TMEM232: variants seen among roughly 807,000 people sequenced by gnomAD.
The protein encoded by TMEM232 is transmembrane protein 232.
Under a neutral mutation model 78.8 loss-of-function variants are expected in TMEM232, and 80 were observed. That is an observed-to-expected ratio of 1.01 (90% CI 0.85 to 1.22). The LOEUF (loss-of-function observed/expected upper bound fraction) is 1.22. Ranked by LOEUF, TMEM232 falls within the 50% of genes most tolerant of loss-of-function variation. TMEM232 has a pLI of 0.00. For missense variants in TMEM232, 881 were observed against 742.2 expected, an observed-to-expected ratio of 1.19 and a Z score of -2.17; for synonymous variants, 297 against 254.3, an observed-to-expected ratio of 1.17 and a Z score of -1.60.
chr5:110,599,244 A>G (rs1415865172), intron 10 of TMEM232, among the ~76,000 whole-genome samples: 1 of 152,284 alleles, frequency 6.6e-6, no homozygotes, highest in East Asian at 1.9e-4. Context: ...CAATGACACT[A>G]TGAAGAAACT....
At chr5:110,509,301 G>GGT (rs1767409551) in intron 12 of TMEM232, among the ~76,000 whole-genome samples, 2 of 151,806 alleles carry the variant, frequency 1.3e-5, no homozygotes, top group South Asian at 4.2e-4. Flanking sequence ...TAGGTGTGGT[G>GGT]GTGTGTGCCT....
intron 12 of TMEM232, among the ~76,000 whole-genome samples, chr5:110,487,343 T>C (rs969561002): frequency 6.6e-6 from 1 of 152,114 alleles, no homozygotes; most frequent in East Asian, 1.9e-4. Context: ...CTTCCAGTAA[T>C]ATGTTGAAGA....
intron 1 of TMEM232, among the ~76,000 whole-genome samples, chr5:110,714,920 G>A (rs1278597534): frequency 6.6e-6 from 1 of 151,970 alleles, no homozygotes; most frequent in Non-Finnish European, 1.5e-5. Flanking sequence ...GTGATTTTAG[G>A]AGAATTACTC....
chr5:110,549,399 G>C (rs1348505941), intron 11 of TMEM232, among the ~76,000 whole-genome samples: 1 of 151,854 alleles, frequency 6.6e-6, no homozygotes, highest in Non-Finnish European at 1.5e-5. Context: ...ATGGTGGCTT[G>C]AGCTCAGAAA....
At chr5:110,425,282 A>G (rs1461974945) in intron 12 of TMEM232, among the ~76,000 whole-genome samples, 1 of 152,170 alleles carries the variant, frequency 6.6e-6, no homozygotes, top group Non-Finnish European at 1.5e-5. Flanking sequence ...CTAAGGGTGG[A>G]ATTGTGGTAG....
intron 12 of TMEM232, among the ~76,000 whole-genome samples, chr5:110,448,555 A>G (rs956637438): frequency 2.0e-5 from 3 of 152,172 alleles, no homozygotes; most frequent in African/African-American, 7.2e-5. Flanking sequence ...TAAAAACAGA[A>G]TGTTGCTTAA....
rs377430372 is a variant in TMEM232, at chr5:110,522,798, G to A, written c.1703+5790C>T. On this transcript the variant is annotated intron_variant, in intron 12 of 13. Transcript: ENST00000455884. ...TCATGATGTATGATTATTTTAAGAT[G>A]CTTCTGGATTCTGTTTGTTACTATT... Among the ~76,000 whole-genome samples, 10 of 152,186 alleles carry A rather than the reference G, an allele frequency of 6.6e-5. 1 individual carries two copies. The East Asian group carries it at 7.7e-4, about 12-fold the overall frequency.
chr5:110,692,354 T>A (rs768522428), intron 1 of TMEM232, among the ~76,000 whole-genome samples: 8 of 152,236 alleles, frequency 5.3e-5, no homozygotes, highest in Non-Finnish European at 7.3e-5. Context: ...GCAGCTCCAG[T>A]CTACAGCTCC....
At chr5:110,702,547 C>T (rs1795534670) in intron 1 of TMEM232, among the ~76,000 whole-genome samples, 2 of 152,054 alleles carry the variant, frequency 1.3e-5, no homozygotes. Flanking sequence ...CCACATGTTA[C>T]TATCTCTCCC....
At chr5:110,658,513 A>T (rs985084476) in intron 2 of TMEM232, among the ~76,000 whole-genome samples, 2 of 152,160 alleles carry the variant, frequency 1.3e-5, no homozygotes, top group Non-Finnish European at 2.9e-5. Flanking sequence ...TTGAGCAGAG[A>T]GCCATTTAGA....
intron 1 of TMEM232, among the ~76,000 whole-genome samples, chr5:110,694,722 T>A (rs1794558148): frequency 6.6e-6 from 1 of 151,822 alleles, no homozygotes; most frequent in East Asian, 1.9e-4. Flanking sequence ...CATTACATAA[T>A]GGTAAAGGGG....
chr5:110,527,718 C>T (rs1241879700), intron 12 of TMEM232, among the ~76,000 whole-genome samples: 2 of 151,942 alleles, frequency 1.3e-5, no homozygotes, highest in African/African-American at 4.8e-5. Flanking sequence ...CAATCAATCA[C>T]AGCCTATCAG....
intron 10 of TMEM232, among the ~76,000 whole-genome samples, chr5:110,595,020 G>A (rs1172821609): frequency 6.6e-6 from 1 of 152,174 alleles, no homozygotes; most frequent in African/African-American, 2.4e-5. Context: ...TCACACAGGA[G>A]AGCTCCGGCT....
At chr5:110,389,784 C>T (rs1427274257) in intron 4 of TMEM232, among the ~76,000 whole-genome samples, 1 of 152,170 alleles carries the variant, frequency 6.6e-6, no homozygotes, top group Non-Finnish European at 1.5e-5. Context: ...AAAACACAGA[C>T]ACTAGAAATA....
chr5:110,417,820 G>GAAGC (rs992134027), downstream of TMEM232: 2 of 152,052 alleles, frequency 1.3e-5, no homozygotes, highest in African/African-American at 4.8e-5. Flanking sequence ...CGGAGAACAG[G>GAAGC]AAGCACATCA....
chr5:110,642,962 G>A (rs150798061), intron 2 of TMEM232, among the ~76,000 whole-genome samples: 1,543 of 152,140 alleles, frequency 0.01, 35 homozygotes, highest in African/African-American at 0.035. Context: ...GAGAATTAGC[G>A]TGTAGGGAGG....
intron 2 of TMEM232, among the ~76,000 whole-genome samples, chr5:110,402,795 G>C (rs986755242): frequency 6.6e-6 from 1 of 152,020 alleles, no homozygotes; most frequent in Non-Finnish European, 1.5e-5. Context: ...TTGTCCCTAG[G>C]GGAGGTCAGT....
intron 2 of TMEM232, among the ~76,000 whole-genome samples, chr5:110,666,445 G>A (rs978262711): frequency 6.6e-6 from 1 of 151,954 alleles, no homozygotes; most frequent in Admixed American, 6.6e-5. Context: ...AAACTACTCT[G>A]AACATTTTTA....
intron 11 of TMEM232, among the ~76,000 whole-genome samples, chr5:110,541,238 G>C (rs1773071094): frequency 6.6e-6 from 1 of 152,146 alleles, no homozygotes; most frequent in South Asian, 2.1e-4. Context: ...GGTCTGTCAA[G>C]CCTGCTCATT....
Sources: allele counts gnomAD v4.1 joint callset (sites outside exome capture counted in the v4.1 genomes callset), GRCh38; gene constraint gnomAD v4.1.1; transcripts MANE v1.5; gene names NCBI Gene and HGNC (gene_info 2026-07-23, HGNC 2026-07-21).